Variants in TLR6 observed in about 807,000 individuals in gnomAD.
The protein encoded by TLR6 is toll like receptor 6.
In TLR6, 9 loss-of-function variants were observed where a neutral mutation model predicts 16.1. The observed-to-expected ratio is 0.56, with a 90% CI of 0.34 to 0.98. TLR6 has a LOEUF of 0.98. Among genes scored for constraint, TLR6 ranks in the 50% least tolerant of loss-of-function variants. TLR6 has a pLI of 0.02. For missense variants in TLR6, 786 were observed against 921.0 expected, an observed-to-expected ratio of 0.85 and a Z score of 1.90; for synonymous variants, 340 against 338.6, an observed-to-expected ratio of 1.00 and a Z score of -0.04.
intron 1 of TLR6, among the ~76,000 whole-genome samples, chr4:38,853,798 C>G (rs890387718): frequency 6.6e-6 from 1 of 152,158 alleles, no homozygotes; most frequent in Non-Finnish European, 1.5e-5. Context: ...AAACAAATCC[C>G]TCAATTATCC....
chr4:38,853,234 G>A, intron 1 of TLR6, among the ~76,000 whole-genome samples: 1 of 121,744 alleles, frequency 8.2e-6, no homozygotes, highest in East Asian at 2.6e-4. Flanking sequence ...CTGTCGTGGG[G>A]TGGGGGGAGG....
exon 2 of TLR6, chr4:38,826,894 T>A (rs780728380): frequency 1.9e-6 from 1 of 531,128 alleles, no homozygotes; most frequent in Non-Finnish European, 3.3e-6. Flanking sequence ...CAGAAGAGAC[T>A]GGGCTGTCTC....
rs765435349 is a variant in TLR6 at position 38,828,519 on chromosome 4, A to G, written c.955T>C (p.Phe319Leu). Residue 319 changes from phenylalanine (F) to leucine (L), a missense_variant, in exon 2 of 2, where the codon TTT becomes CTT. Physicochemically the swap from Phe to Leu is conservative, Grantham distance 22 (BLOSUM62 0). Transcript: ENST00000436693. Reference sequence around the variant, plus strand: ...ACGGTGTACAAAGCTGTCTGTGAAAACAGAAAAACTTGGTTCGTGATATGT... The same window carrying G: ...ACGGTGTACAAAGCTGTCTGTGAAAGCAGAAAAACTTGGTTCGTGATATGT... The G allele has an allele frequency of 1.2e-5, 20 of 1,614,048 alleles. No individual in the cohort carries two copies. The Admixed American group carries it at 2.0e-4, about 16-fold the overall frequency.
the TLR6 span, among the ~76,000 whole-genome samples, chr4:38,862,176 G>A: frequency 1.3e-5 from 2 of 152,220 alleles, no homozygotes; most frequent in South Asian, 4.1e-4. Flanking sequence ...CCTTCCCACT[G>A]AGCACTGGGT....
At chr4:38,833,284 CAG>C (rs1711719928) in intron 1 of TLR6, among the ~76,000 whole-genome samples, 1 of 152,164 alleles carries the variant, frequency 6.6e-6, no homozygotes, top group African/African-American at 2.4e-5. Context: ...ATATTTCACA[CAG>C]GGGCCTGAGA....
intron 1 of TLR6, among the ~76,000 whole-genome samples, chr4:38,847,741 C>T (rs1560270755): frequency 2.0e-5 from 3 of 152,318 alleles, no homozygotes; most frequent in South Asian, 2.1e-4. Context: ...GGGGGAGGGG[C>T]GCCAGCCATT....
chr4:38,829,257 T>G, exon 2 of TLR6: 1 of 1,614,212 alleles, frequency 6.2e-7, no homozygotes, highest in Non-Finnish European at 8.5e-7. Context: ...GATAGAAAGC[T>G]CATGTCAGAG....
chr4:38,858,885 A>AAGAAAGAAAGAG (rs1713126721), upstream of TLR6, among the ~76,000 whole-genome samples: 1 of 67,382 alleles, frequency 1.5e-5, no homozygotes, highest in African/African-American at 6.1e-5. Flanking sequence ...GAAAGAAAGA[A>AAGAAAGAAAGAG]AGAGAGAAAG....
At chr4:38,861,242 G>C (rs141943684), upstream of TLR6, among the ~76,000 whole-genome samples, 528 of 152,046 alleles carry the variant, frequency 3.5e-3, 2 homozygotes, top group African/African-American at 0.012. Context: ...CATAATTCTA[G>C]TGATTTCCAT....
exon 2 of TLR6, chr4:38,826,908 C>T (rs1440482538): frequency 3.6e-6 from 2 of 554,360 alleles, no homozygotes; most frequent in Admixed American, 6.9e-5. Flanking sequence ...CTGTCTCTAA[C>T]TGGCAGGCTA....
chr4:38,844,191 A>T (rs1712412605), intron 1 of TLR6, among the ~76,000 whole-genome samples: 1 of 152,160 alleles, frequency 6.6e-6, no homozygotes, highest in Non-Finnish European at 1.5e-5. Context: ...GAGATGTGTA[A>T]CTCAGACAAT....
chr4:38,823,594 A>C (rs1727406959), downstream of TLR6: 1 of 152,292 alleles, frequency 6.6e-6, no homozygotes, highest in Non-Finnish European at 1.5e-5. Context: ...AAATTGTGGC[A>C]TTGGACGGGG....
chr4:38,868,106 C>T, the TLR6 span: 1 of 290,756 alleles, frequency 3.4e-6, no homozygotes. Context: ...CTCATGCACA[C>T]ACCCACACGC....
rs762503891 is a variant in TLR6, at chr4:38,828,429, GACACAGCATGTGTATAA to G, written c.1028_1044del (p.Phe343SerfsTer20). 6.2e-7 allele frequency: 1 copy of G among 1,614,028 alleles called. No individual in the cohort carries two copies. The highest frequency in any genetic ancestry group is 1.1e-5 in the South Asian group (1 of 91,084). On this transcript the variant is annotated frameshift_variant, in exon 2 of 2. Transcript: ENST00000436693. LOFTEE classifies it low-confidence loss of function (END_TRUNC). ...AACTTGAATGTGCTTGGTGCATGAG[GACACAGCATGTGTATAA>G]AAGGTGTATCTGAAATGGTTAACAT...
At chr4:38,849,525 G>T (rs1310278778) in intron 1 of TLR6, among the ~76,000 whole-genome samples, 1 of 152,142 alleles carries the variant, frequency 6.6e-6, no homozygotes, top group Non-Finnish European at 1.5e-5. Flanking sequence ...GCTGTATTCA[G>T]GAGACCCATC....
chr4:38,863,081 C>G, the TLR6 span, among the ~76,000 whole-genome samples: 1 of 152,044 alleles, frequency 6.6e-6, no homozygotes, highest in Non-Finnish European at 1.5e-5. Flanking sequence ...GTCAGGTTTC[C>G]TTCCCCACCG....
At chr4:38,865,565 G>C in the TLR6 span, among the ~76,000 whole-genome samples, 16 of 152,238 alleles carry the variant, frequency 1.1e-4, no homozygotes, top group Middle Eastern at 3.4e-3. Context: ...GCTGTCTCTG[G>C]GCAGGAGCAG....
chr4:38,858,833 A>AGAGAGAGAGAGAG (rs1713116154), upstream of TLR6, among the ~76,000 whole-genome samples: 2 of 17,662 alleles, frequency 1.1e-4, no homozygotes, highest in Non-Finnish European at 2.3e-4. Context: ...GAGAGAGAGG[A>AGAGAGAGAGAGAG]AGAAAGAAAG....
chr4:38,855,016 T>C (rs1034834464), intron 1 of TLR6, among the ~76,000 whole-genome samples: 2 of 152,082 alleles, frequency 1.3e-5, no homozygotes, highest in Admixed American at 6.6e-5. Context: ...GAGACCATCC[T>C]GGCTAACGGT....
Sources: allele counts gnomAD v4.1 joint callset (sites outside exome capture counted in the v4.1 genomes callset), GRCh38; gene constraint gnomAD v4.1.1; transcripts MANE v1.5; gene names NCBI Gene and HGNC (gene_info 2026-07-23, HGNC 2026-07-21).